The following ZFHX3 variants were observed in gnomAD, a reference collection of about 807,000 sequenced individuals.
ZFHX3 encodes the protein zinc finger homeobox protein 3.
ZFHX3 carries 42 observed loss-of-function variants against 279.1 expected under a neutral mutation model. That is an observed-to-expected ratio of 0.15 (90% confidence interval 0.12 to 0.19). The LOEUF is 0.19. Ranked by LOEUF, ZFHX3 falls within the 10% of genes least tolerant of loss-of-function variation. The pLI, the probability that ZFHX3 is intolerant of heterozygous loss-of-function variation, is 1.00. For missense variants in ZFHX3, 4,981 were observed against 4,754.0 expected, an observed-to-expected ratio of 1.05 and a Z score of -1.40; for synonymous variants, 2,293 against 1,957.8, an observed-to-expected ratio of 1.17 and a Z score of -4.52.
chr16:73,180,749 G>A (rs1435953700), intron 5 of ZFHX3, among the ~76,000 whole-genome samples: 6 of 151,776 alleles, frequency 4.0e-5, no homozygotes, highest in Admixed American at 2.0e-4. Context: ...TGCAACCTCC[G>A]CTTCCCGGGT....
intron 4 of ZFHX3, among the ~76,000 whole-genome samples, chr16:72,873,751 TA>T (rs1338048548): frequency 8.5e-5 from 13 of 152,198 alleles, no homozygotes; most frequent in Admixed American, 7.9e-4. Context: ...ATAGATATTT[TA>T]AAGGAAACTG....
chr16:73,424,545 G>T (rs2017775718), intron 3 of ZFHX3, among the ~76,000 whole-genome samples: 1 of 152,034 alleles, frequency 6.6e-6, no homozygotes, highest in Non-Finnish European at 1.5e-5. Context: ...AGGAGCTCGA[G>T]ACTGGCCTGG....
chr16:73,781,257 T>G (rs1480943932), intron 1 of ZFHX3, among the ~76,000 whole-genome samples: 1 of 152,204 alleles, frequency 6.6e-6, no homozygotes, highest in Non-Finnish European at 1.5e-5. Context: ...AACTTCAACA[T>G]TCATCAGAAT....
At chr16:73,343,515 A>G (rs560801610) in intron 3 of ZFHX3, among the ~76,000 whole-genome samples, 1 of 152,308 alleles carries the variant, frequency 6.6e-6, no homozygotes, top group Middle Eastern at 3.4e-3. Flanking sequence ...GCTTGATCCC[A>G]GGAGTTTGAG....
intron 4 of ZFHX3, among the ~76,000 whole-genome samples, chr16:73,260,843 C>A (rs976613696): frequency 6.6e-6 from 1 of 151,906 alleles, no homozygotes; most frequent in Non-Finnish European, 1.5e-5. Flanking sequence ...CCACCATACC[C>A]GGCTAATTTT....
In ZFHX3 at chr16:73,711,959, A is replaced by G. The variant is rs1383720665; in HGVS notation, c.-1607-31719T>C. On this transcript the variant is annotated intron_variant, in intron 1 of 17. Coordinates refer to the ZFHX3 transcript ENST00000641206. ...ACACTCTCTGGGAAACCCTGAGCCC[A>G]AACAGCCCAGGCAGGAAAGAAGGGG... 2.0e-5 allele frequency among the ~76,000 whole-genome samples: 3 copies of G among 152,350 alleles called. No individual in the cohort carries two copies. The East Asian group carries it at 5.8e-4, about 29-fold the overall frequency.
intron 2 of ZFHX3, among the ~76,000 whole-genome samples, chr16:73,569,674 T>C (rs1359783948): frequency 1.3e-5 from 2 of 152,172 alleles, no homozygotes; most frequent in African/African-American, 4.8e-5. Context: ...AAAAAATATT[T>C]TATTACAATA....
chr16:73,591,712 A>AG (rs943515554), intron 2 of ZFHX3, among the ~76,000 whole-genome samples: 6 of 147,402 alleles, frequency 4.1e-5, no homozygotes, highest in African/African-American at 1.5e-4. Flanking sequence ...AAAAAAAAAA[A>AG]AAAAAAGAAA....
intron 4 of ZFHX3, among the ~76,000 whole-genome samples, chr16:73,279,390 G>A (rs2014401134): frequency 6.6e-6 from 1 of 151,910 alleles, no homozygotes; most frequent in Non-Finnish European, 1.5e-5. Flanking sequence ...CATATATTAG[G>A]GATCTGAAAG....
chr16:73,280,490 T>C (rs767095816), intron 4 of ZFHX3, among the ~76,000 whole-genome samples: 7 of 151,838 alleles, frequency 4.6e-5, no homozygotes, highest in African/African-American at 7.3e-5. Flanking sequence ...AAATAACCAA[T>C]AGACACAGGA....
At chr16:73,064,516 T>G (rs1294507530), upstream of ZFHX3, among the ~76,000 whole-genome samples, 1 of 151,852 alleles carries the variant, frequency 6.6e-6, no homozygotes, top group Non-Finnish European at 1.5e-5. Flanking sequence ...GCCTTTTTTT[T>G]TTTTCTTTTG....
chr16:73,429,034 G>T (rs1365854435), intron 3 of ZFHX3, among the ~76,000 whole-genome samples: 1 of 152,112 alleles, frequency 6.6e-6, no homozygotes, highest in African/African-American at 2.4e-5. Flanking sequence ...ACAACACCCT[G>T]TGGACCCCTC....
At chr16:73,835,469 T>A in intron 1 of ZFHX3, among the ~76,000 whole-genome samples, 1 of 130,200 alleles carries the variant, frequency 7.7e-6, no homozygotes, top group Admixed American at 7.7e-5. Context: ...TTTTTTTTTT[T>A]TTTTTTTTTT....
At chr16:73,579,269 T>C (rs113759087) in intron 2 of ZFHX3, among the ~76,000 whole-genome samples, 2 of 152,248 alleles carry the variant, frequency 1.3e-5, no homozygotes, top group African/African-American at 4.8e-5. Context: ...CATCTTAACA[T>C]GTACTGATTG....
At chr16:73,734,041 G>A (rs548170378) in intron 1 of ZFHX3, among the ~76,000 whole-genome samples, 1 of 152,080 alleles carries the variant, frequency 6.6e-6, no homozygotes, top group Non-Finnish European at 1.5e-5. Context: ...AGATCATCAG[G>A]CATTAGATTC....
At chr16:73,164,624 G>A (rs1255895251) in intron 5 of ZFHX3, among the ~76,000 whole-genome samples, 8 of 151,558 alleles carry the variant, frequency 5.3e-5, no homozygotes, top group South Asian at 2.1e-4. Flanking sequence ...GGCTTGAACC[G>A]GGGAGGCAGA....
chr16:72,869,940 G>GA (rs2038113529), intron 4 of ZFHX3, among the ~76,000 whole-genome samples: 1 of 152,134 alleles, frequency 6.6e-6, no homozygotes, highest in African/African-American at 2.4e-5. Context: ...CAATACACGA[G>GA]AAAGAACACG....
chr16:72,947,717 G>C (rs541881613), intron 3 of ZFHX3, among the ~76,000 whole-genome samples: 1 of 152,116 alleles, frequency 6.6e-6, no homozygotes, highest in Admixed American at 6.6e-5. Context: ...GGGTGGGGTG[G>C]GGAAGGGGTG....
At chr16:73,178,340 T>C (rs1967713030) in intron 5 of ZFHX3, among the ~76,000 whole-genome samples, 1 of 152,094 alleles carries the variant, frequency 6.6e-6, no homozygotes, top group Admixed American at 6.6e-5. Flanking sequence ...GGTTTGACCA[T>C]GTTGACCAGG....
Sources: gnomAD v4.1 joint callset for allele counts (sites outside exome capture counted in the v4.1 genomes callset) on GRCh38, gnomAD v4.1.1 for gene constraint, MANE v1.5 for transcripts, NCBI Gene and HGNC (gene_info 2026-07-23, HGNC 2026-07-21) for gene names.